The following IGLON5 variants were observed in gnomAD, a reference collection of about 807,000 sequenced individuals.
IGLON5 encodes the protein Ig-like domain-containing protein ENSP00000270642.
IGLON5 carries 16 observed loss-of-function variants against 38.2 expected under a neutral mutation model. That is an observed-to-expected ratio of 0.42 (90% CI 0.28 to 0.64). The LOEUF (loss-of-function observed/expected upper bound fraction) is 0.64, where lower values mean the gene tolerates loss of function less well. Ranked by LOEUF, IGLON5 falls within the 30% of genes least tolerant of loss-of-function variation. The probability of loss-of-function intolerance (pLI) is 0.23; values close to 1 mark genes in which losing one functional copy is unlikely to be tolerated. For synonymous variants in IGLON5, 207 were observed against 216.4 expected (o/e 0.96, Z 0.38); for missense variants, 366 against 483.4 (o/e 0.76, Z 2.28).
chr19:51,321,725 A>T (rs1372541378), intron 1 of IGLON5, among the ~76,000 whole-genome samples: 1 of 152,180 alleles, frequency 6.6e-6, no homozygotes, highest in Non-Finnish European at 1.5e-5. Flanking sequence ...TTGTCTCTGC[A>T]TCTCTGGAGG....
chr19:51,322,099 G>C lies in IGLON5; in HGVS notation c.115G>C (p.Ala39Pro), dbSNP rs778766841. ...CCAGAGCCTGGAGTTCAACTCTCCT[G>C]CCGACAACTACACAGTGTGTGAAGG... ...LSQSLEFNSP[A>P]DNYTVCEGDN... is the part of the protein sequence containing the mutation. The change falls in exon 2 of 8, where the codon GCC becomes CCC. Residue 39 changes from alanine (A) to proline (P), a missense_variant. Coordinates refer to ENST00000270642, the MANE Select transcript of IGLON5 (RefSeq NM_001101372.3). 8 of 1,613,314 alleles carry C rather than the reference G, an allele frequency of 5.0e-6. No individual in the cohort carries two copies. The highest frequency in any genetic ancestry group is 6.8e-6 in the Non-Finnish European group (8 of 1,179,838).
At chr19:51,316,498 CTTT>C (rs542147400) in intron 1 of IGLON5, among the ~76,000 whole-genome samples, 1 of 136,092 alleles carries the variant, frequency 7.3e-6, no homozygotes, top group Non-Finnish European at 1.6e-5. Context: ...CTTTTCTTTT[CTTT>C]TTTTTTTTTT....
intron 1 of IGLON5, among the ~76,000 whole-genome samples, chr19:51,320,551 G>A (rs1176471100): frequency 1.3e-5 from 2 of 152,218 alleles, no homozygotes; most frequent in African/African-American, 4.8e-5. Flanking sequence ...GACTGCGTGG[G>A]GGTGACGGAG....
In IGLON5 at chr19:51,327,911, CG is replaced by C; in HGVS notation, c.922+28del. ...CGTGCGTCTTCGGGCGGGGCGGGGC[CG>C]GGAAGGTGGGCGGGGCCGGGGGCGG... On this transcript the variant is annotated intron_variant, in intron 7 of 7. Coordinates refer to ENST00000270642, the MANE Select transcript of IGLON5 (RefSeq NM_001101372.3). This position sits in a 1 kb window ranked among gnomAD's most constrained non-coding sequence, Gnocchi z 7.1. The C allele has an allele frequency of 1.8e-6, 1 of 561,718 alleles. No individual in the cohort carries two copies. The allele number at this position is 561,718 out of a possible 1,614,324, so 34.8% of individuals were successfully genotyped here.
chr19:51,326,936 A>AC (rs1985231572), intron 5 of IGLON5, 38 bp downstream of exon 5: 1 of 1,571,220 alleles, frequency 6.4e-7, no homozygotes, highest in Non-Finnish European at 8.6e-7. Context: ...AGGGTGGCGG[A>AC]CCCCCGAGTC....
chr19:51,319,304 CGT>C (rs3077027), intron 1 of IGLON5, among the ~76,000 whole-genome samples: 94,701 of 149,188 alleles, frequency 0.63, 30,547 homozygotes, highest in African/African-American at 0.78. Flanking sequence ...TGTGTGTGTG[CGT>C]GTGTGTGTGT....
In IGLON5 at chr19:51,326,673, C is replaced by T. The variant is rs947965528; in HGVS notation, c.512-91C>T. 9 of 976,706 alleles carry T rather than the reference C, an allele frequency of 9.2e-6. No homozygotes were observed. The Admixed American group carries it at 2.4e-4, about 26-fold the overall frequency. 60.5% of individuals were successfully genotyped at this position (976,706 alleles called of 1,614,324 possible). ...GGCACTCCAGGCCTTGCCGTGCCCG[C>T]CCCGCTGATGTGTGTCCGTGTTGTG... On this transcript the variant is annotated intron_variant, in intron 4 of 7. Transcript: ENST00000270642.
In IGLON5 at chr19:51,322,917, C is replaced by T. The variant is rs374464376; in HGVS notation, c.159-745C>T. ...GTCCCACTCTGTCTCTGGGTCTCTG[C>T]CCCCTCTGCCTCTGGGTCTCTGTCT... is the stretch of plus-strand genomic sequence containing the variant. On this transcript the variant is annotated intron_variant, in intron 2 of 7. Transcript: ENST00000270642. 9.1e-5 allele frequency among the ~76,000 whole-genome samples: 13 copies of T among 142,828 alleles called. No homozygotes were observed. The East Asian group carries it at 1.6e-3, about 17-fold the overall frequency. 93.7% of individuals were successfully genotyped at this position (142,828 alleles called of 152,430 possible). A position where few individuals can be genotyped will look rare whatever the true frequency, so the allele number is the denominator to read the frequency against.
intron 1 of IGLON5, among the ~76,000 whole-genome samples, chr19:51,316,360 G>T (rs111352202): frequency 7.0e-6 from 1 of 143,542 alleles, no homozygotes; most frequent in Non-Finnish European, 1.5e-5. Context: ...AAAAAAAAAA[G>T]AAAAGAAACA....
intron 1 of IGLON5, among the ~76,000 whole-genome samples, chr19:51,315,203 C>T (rs1984887782): frequency 1.3e-5 from 2 of 152,186 alleles, no homozygotes; most frequent in South Asian, 2.1e-4. Flanking sequence ...AATCAAATGG[C>T]CGCTTCTGCA....
intron 2 of IGLON5, among the ~76,000 whole-genome samples, chr19:51,323,326 CTGGG>C: frequency 6.6e-6 from 1 of 152,002 alleles, no homozygotes; most frequent in African/African-American, 2.4e-5. Context: ...GTCCCTCTCT[CTGGG>C]TCTCTGTCCC....
In IGLON5 at chr19:51,327,380, C is replaced by T. The variant is rs1985244633; in HGVS notation, c.767+180C>T. Among the ~76,000 whole-genome samples the T allele has an allele frequency of 6.6e-6, 1 of 152,140 alleles. No homozygotes were observed. ...AGCCCCGGAGACAAGCTTGGGTCCC[C>T]GCTTGATGAATGCTGGAACCCCGTC... On this transcript the variant is annotated intron_variant, in intron 6 of 7. Coordinates refer to ENST00000270642, the MANE Select transcript of IGLON5 (RefSeq NM_001101372.3). This position sits in a 1 kb window ranked among gnomAD's most constrained non-coding sequence, Gnocchi z 7.1.
chr19:51,328,824 GGAGCAA>G lies in IGLON5; in HGVS notation c.*70_*75del, dbSNP rs1470066452. The G allele has an allele frequency of 8.1e-7, 1 of 1,228,420 alleles. No homozygotes were observed. Among genetic ancestry groups the G allele is most frequent in the Non-Finnish European group, 1.1e-6 (1 of 886,060 alleles). 76.1% of individuals were successfully genotyped at this position (1,228,420 alleles called of 1,614,324 possible). ...TCAGGCCAAGAGTGAGAGAAACGGG[GGAGCAA>G]GAGCCGTGGGTCTCGTGGGGGCAGA... is the stretch of plus-strand genomic sequence containing the variant. On this transcript the variant is annotated 3_prime_UTR_variant, in exon 8 of 8. Coordinates refer to ENST00000270642, the MANE Select transcript of IGLON5 (RefSeq NM_001101372.3).
At chr19:51,323,516 G>A in intron 2 of IGLON5, 146 bp from the exon 3 acceptor site, 1 of 661,068 alleles carries the variant, frequency 1.5e-6, no homozygotes, top group Non-Finnish European at 2.6e-6. Context: ...ACCCCCAGCT[G>A]TATGGTGGGC....
intron 2 of IGLON5, among the ~76,000 whole-genome samples, chr19:51,323,059 T>G (rs1471644554): frequency 7.4e-6 from 1 of 135,516 alleles, no homozygotes; most frequent in African/African-American, 2.8e-5. Flanking sequence ...CTTTGTCTCT[T>G]TCTCTCTGGG....
chr19:51,320,948 G>T (rs565364039), intron 1 of IGLON5, among the ~76,000 whole-genome samples: 1 of 151,994 alleles, frequency 6.6e-6, no homozygotes, highest in African/African-American at 2.4e-5. Context: ...TATACTATGC[G>T]CTCATCTTTG....
rs865881976 is a variant in IGLON5 at position 51,329,062 on chromosome 19, G to T, written c.*303G>T. The T allele has an allele frequency of 8.5e-6, 2 of 236,128 alleles. No homozygotes were observed. Among genetic ancestry groups the T allele is most frequent in the Middle Eastern group, 1.4e-3 (1 of 734 alleles). 14.6% of individuals were successfully genotyped at this position (236,128 alleles called of 1,614,324 possible). A position where few individuals can be genotyped will look rare whatever the true frequency, so the allele number is the denominator to read the frequency against. On this transcript the variant is annotated 3_prime_UTR_variant, in exon 8 of 8. Coordinates refer to ENST00000270642, the MANE Select transcript of IGLON5 (RefSeq NM_001101372.3). The surrounding 1 kb of genome is among the most constrained non-coding windows in gnomAD (Gnocchi z 4.3). The stretch of plus-strand genomic sequence containing the variant: ...CTTAGCTCAGGCTGTCAACTGGCTT[G>T]TGTGGGTGTGGGTGTGTGAGTGTGA...
In IGLON5 at chr19:51,316,467, T is replaced by C. The variant is rs755568679; in HGVS notation, c.79+4541T>C. On this transcript the variant is annotated intron_variant, in intron 1 of 7. Transcript: ENST00000270642. ...GCTAATGCCCTCAGATTTTTTCTTT[T>C]TTTTTCTTTGTTTTTCTTTTCTTTT... Among the ~76,000 whole-genome samples, 125 of 151,756 alleles carry C rather than the reference T, an allele frequency of 8.2e-4. 2 individuals are homozygous for C. The Middle Eastern group carries it at 0.027, about 33-fold the overall frequency.
At chr19:51,326,683 G>A in intron 4 of IGLON5, 81 bp from the exon 5 acceptor site, 3 of 999,888 alleles carry the variant, frequency 3.0e-6, no homozygotes, top group Non-Finnish European at 4.2e-6. Context: ...CCCCGCTGAT[G>A]TGTGTCCGTG....
Sources: allele counts gnomAD v4.1 joint callset (sites outside exome capture counted in the v4.1 genomes callset), GRCh38; gene constraint gnomAD v4.1.1; non-coding constraint Gnocchi (gnomAD v3.1); transcripts MANE v1.5; gene names NCBI Gene and HGNC (gene_info 2026-07-23, HGNC 2026-07-21).